The following CHUK variants were observed in gnomAD, a reference collection of about 807,000 sequenced individuals.
The protein encoded by CHUK is component of inhibitor of nuclear factor kappa B kinase complex, also known as inhibitor of nuclear factor kappa-B kinase subunit alpha.
In CHUK, 35 loss-of-function variants were observed where a neutral mutation model predicts 104.8. That is an observed-to-expected ratio of 0.33 (90% CI 0.26 to 0.44). The LOEUF (loss-of-function observed/expected upper bound fraction) is 0.44, where lower values mean the gene tolerates loss of function less well. Among genes scored for constraint, CHUK ranks in the 20% least tolerant of loss-of-function variants. The pLI is 1.00. For missense variants in CHUK, 663 were observed against 902.7 expected (o/e 0.73, Z 3.40); for synonymous variants, 276 against 291.9 (o/e 0.95, Z 0.56).
chr10:100,207,472 A>G (rs1589586707), intron 10 of CHUK, 140 bp from the exon 11 acceptor site: 2 of 603,130 alleles, frequency 3.3e-6, no homozygotes, highest in East Asian at 5.7e-5. Flanking sequence ...TCTTACAGAT[A>G]ACAGAGTCCA....
At chr10:100,202,713 A>AATAT (rs1554896599) in intron 13 of CHUK, among the ~76,000 whole-genome samples, 2 of 152,106 alleles carry the variant, frequency 1.3e-5, no homozygotes, top group African/African-American at 4.8e-5. Flanking sequence ...TTTTCTTAAA[A>AATAT]ATATATATAT....
intron 16 of CHUK, among the ~76,000 whole-genome samples, chr10:100,197,686 G>C (rs1216566888): frequency 6.6e-6 from 1 of 151,966 alleles, no homozygotes; most frequent in East Asian, 1.9e-4. Flanking sequence ...CATTTCCTCA[G>C]ACATGCTAAG....
chr10:100,220,731 A>T, intron 4 of CHUK, 55 bp from the exon 5 acceptor site: 1 of 1,116,302 alleles, frequency 9.0e-7, no homozygotes, highest in South Asian at 1.3e-5. Context: ...AGTTAAAAGA[A>T]AAATTCACCT....
chr10:100,228,984 C>CAA (rs1297074375), intron 1 of CHUK, among the ~76,000 whole-genome samples: 1 of 94,718 alleles, frequency 1.1e-5, no homozygotes, highest in East Asian at 2.8e-4. Context: ...CAAGCGCGCG[C>CAA]GCGCGCGCGC....
chr10:100,205,642 C>T (rs373371308), intron 11 of CHUK, among the ~76,000 whole-genome samples: 28 of 152,262 alleles, frequency 1.8e-4, no homozygotes, highest in African/African-American at 6.0e-4. Flanking sequence ...AGAATACACA[C>T]AAGAGCCAGG....
chr10:100,219,540 T>C (rs1018100104), intron 5 of CHUK, among the ~76,000 whole-genome samples, 181 bp from the exon 6 acceptor site: 1 of 152,210 alleles, frequency 6.6e-6, no homozygotes, highest in African/African-American at 2.4e-5. Flanking sequence ...ACCAAGTTAT[T>C]TAACCTCTCT....
chr10:100,228,600 G>A (rs1034285701), intron 1 of CHUK, among the ~76,000 whole-genome samples: 1 of 152,166 alleles, frequency 6.6e-6, no homozygotes, highest in Non-Finnish European at 1.5e-5. Flanking sequence ...AGGCTGCAGT[G>A]AGCCGAGATC....
In CHUK at chr10:100,220,614, T is replaced by C; in HGVS notation, c.448A>G (p.Ile150Val). The C allele has an allele frequency of 1.4e-5, 22 of 1,611,820 alleles. No homozygotes were observed. Among genetic ancestry groups the C allele is most frequent in the Non-Finnish European group, 1.8e-5 (21 of 1,178,016 alleles). The change falls in exon 5 of 21, where the codon ATA becomes GTA. Residue 150 changes from isoleucine to valine, a missense_variant. By Grantham distance (29) the Ile-to-Val change is conservative (BLOSUM62 3). Around this residue, in one of 5 missense-constraint regions of CHUK, gnomAD observed 200 missense variants for 333.0 expected, o/e 0.60. Transcript: ENST00000370397. ...TTTCCACCAACATCCTGAAGAACTA[T>C]GTTTTCAGGTTTTAGATCTCGATGT... ...IIHRDLKPEN[I>V]VLQDVGGKII...
intron 9 of CHUK, among the ~76,000 whole-genome samples, chr10:100,213,010 AAAAAAGAAAGAAG>A (rs1402603448): frequency 6.6e-6 from 1 of 151,808 alleles, no homozygotes; most frequent in Non-Finnish European, 1.5e-5. Flanking sequence ...CAAAAAAAAA[AAAAAAGAAAGAAG>A]AAAAAGAAAA....
rs1297128450 is a variant in CHUK at position 100,198,630 on chromosome 10, C to G, written c.1729+1341G>C. On this transcript the variant is annotated intron_variant, in intron 16 of 20. Coordinates refer to ENST00000370397, the MANE Select transcript of CHUK (RefSeq NM_001278.5). ...TCTCTGACAAAGTTTCAAGGATTCT[C>G]ACAGGTCCATATGCCACATTTTGAG... Among the ~76,000 whole-genome samples, 3 of 152,302 alleles carry G rather than the reference C, an allele frequency of 2.0e-5. No homozygotes were observed. The East Asian group carries it at 5.8e-4, about 29-fold the overall frequency.
chr10:100,194,014 T>C lies in CHUK; in HGVS notation c.1944A>G (p.Lys648=). The C allele has an allele frequency of 6.2e-7, 1 of 1,613,900 alleles. No individual in the cohort carries two copies. The highest frequency in any genetic ancestry group is 8.5e-7 in the Non-Finnish European group (1 of 1,179,832). Residue 648 remains lysine, a synonymous_variant, in exon 18 of 21, where the codon AAA becomes AAG. Coordinates refer to ENST00000370397, the MANE Select transcript of CHUK (RefSeq NM_001278.5). ...CAATTTTAAGGAGATGCCATATTTC[T>C]TTCTGCCTTTTTCCCTGCATGAACA... The part of the protein sequence containing the change: ...TVMFMQGKRQ[K]EIWHLLKIAC...
At chr10:100,220,204 G>A (rs1318326174) in intron 5 of CHUK, among the ~76,000 whole-genome samples, 1 of 152,026 alleles carries the variant, frequency 6.6e-6, no homozygotes, top group Non-Finnish European at 1.5e-5. Flanking sequence ...GGATGTGCAT[G>A]TATGTGTTTT....
At chr10:100,216,021 G>T (rs1845847280) in intron 9 of CHUK, among the ~76,000 whole-genome samples, 1 of 152,172 alleles carries the variant, frequency 6.6e-6, no homozygotes, top group Non-Finnish European at 1.5e-5. Context: ...CTTTGAGGAA[G>T]ATATTACTGT....
chr10:100,219,159 C>T, intron 6 of CHUK, 27 bp from the exon 7 acceptor site: 2 of 1,611,192 alleles, frequency 1.2e-6, no homozygotes, highest in Non-Finnish European at 1.7e-6. Flanking sequence ...GCTTTAAACA[C>T]CAACACTGTA....
chr10:100,210,453 C>A (rs1293384104), intron 9 of CHUK, among the ~76,000 whole-genome samples: 27 of 152,162 alleles, frequency 1.8e-4, no homozygotes, highest in Admixed American at 1.8e-3. Flanking sequence ...TCATGAAGTG[C>A]CTAACAGAAG....
intron 15 of CHUK, among the ~76,000 whole-genome samples, 184 bp downstream of exon 15, chr10:100,200,487 C>G (rs951483085): frequency 2.6e-5 from 4 of 152,084 alleles, no homozygotes; most frequent in African/African-American, 9.7e-5. Flanking sequence ...AAGGCCAACC[C>G]AAAGAATTAT....
At chr10:100,228,989 G>GCACA (rs1227394582) in intron 1 of CHUK, among the ~76,000 whole-genome samples, 59 of 73,824 alleles carry the variant, frequency 8.0e-4, no homozygotes, top group Non-Finnish European at 1.5e-3. Context: ...GCGCGCGCGC[G>GCACA]CGCGCACACA....
chr10:100,212,324 T>C (rs562551428), intron 9 of CHUK, among the ~76,000 whole-genome samples: 30 of 152,350 alleles, frequency 2.0e-4, no homozygotes, highest in South Asian at 4.1e-4. Context: ...TTTTGGATAA[T>C]AGCCATCCCA....
intron 10 of CHUK, among the ~76,000 whole-genome samples, chr10:100,207,795 A>G (rs572872972): frequency 2.0e-5 from 3 of 152,288 alleles, no homozygotes; most frequent in African/African-American, 7.2e-5. Flanking sequence ...CAGTTAATGG[A>G]CTGTTAATGG....
Sources: allele counts gnomAD v4.1 joint callset (sites outside exome capture counted in the v4.1 genomes callset), GRCh38; gene constraint gnomAD v4.1.1; regional missense constraint gnomAD v4.1.1; transcripts MANE v1.5; gene names NCBI Gene and HGNC (gene_info 2026-07-23, HGNC 2026-07-21).